TEKT3: variants seen among roughly 807,000 people sequenced by gnomAD.
TEKT3 encodes the protein tektin 3.
Under a neutral mutation model 49.8 loss-of-function variants are expected in TEKT3, and 49 were observed. That is an observed-to-expected ratio of 0.98 (90% CI 0.78 to 1.25). The LOEUF (loss-of-function observed/expected upper bound fraction) is 1.25. Ranked by LOEUF, TEKT3 falls within the 50% of genes most tolerant of loss-of-function variation. TEKT3 has a pLI of 0.00. For missense variants in TEKT3, 595 were observed against 629.5 expected, an observed-to-expected ratio of 0.95 and a Z score of 0.59; for synonymous variants, 225 against 237.2, an observed-to-expected ratio of 0.95 and a Z score of 0.47.
chr17:15,331,099 CATGA>C lies in TEKT3; in HGVS notation c.483_486del (p.Ile161MetfsTer6). On this transcript the variant is annotated frameshift_variant, in exon 3 of 9. Coordinates refer to ENST00000395930, the MANE Select transcript of TEKT3 (RefSeq NM_031898.3). LOFTEE classifies it high-confidence loss of function. Reference sequence around the variant, plus strand: ...GTCTCTCCAATCATTTCATCCAACTCATGAATGATTTCAGATTTCCAAAACCCTA... The same window carrying C: ...GTCTCTCCAATCATTTCATCCAACTCATGATTTCAGATTTCCAAAACCCTA... The C allele has an allele frequency of 6.2e-7, 1 of 1,614,204 alleles. No homozygotes were observed. Among genetic ancestry groups the C allele is most frequent in the Non-Finnish European group, 8.5e-7 (1 of 1,180,032 alleles).
chr17:15,308,894 C>G, intron 7 of TEKT3, 76 bp from the exon 8 acceptor site: 1 of 1,550,462 alleles, frequency 6.4e-7, no homozygotes, highest in South Asian at 1.2e-5. Flanking sequence ...TCTTGCCTGT[C>G]CACTCCATGT....
At chr17:15,307,419 T>C (rs1910597815) in intron 8 of TEKT3, among the ~76,000 whole-genome samples, 1 of 152,256 alleles carries the variant, frequency 6.6e-6, no homozygotes, top group African/African-American at 2.4e-5. Context: ...CCTGCCTCAG[T>C]TTCCTCACTT....
chr17:15,327,273 T>G (rs937308612), intron 4 of TEKT3, among the ~76,000 whole-genome samples: 1 of 152,026 alleles, frequency 6.6e-6, no homozygotes, highest in Non-Finnish European at 1.5e-5. Flanking sequence ...ATCCCAGCAC[T>G]TTGGGAGGCT....
Position 15,304,022 on chromosome 17 carries a change from C to T in TEKT3, c.1387G>A (p.Ala463Thr), listed in dbSNP as rs1386421889. The T allele has an allele frequency of 6.2e-7, 1 of 1,614,118 alleles. No individual in the cohort carries two copies. The highest frequency in any genetic ancestry group is 8.5e-7 in the Non-Finnish European group (1 of 1,180,030). Residue 463 changes from alanine (A) to threonine (T), a missense_variant, in exon 9 of 9, where the codon GCC becomes ACC. Coordinates refer to ENST00000395930, the MANE Select transcript of TEKT3 (RefSeq NM_031898.3). The surrounding 1 kb of genome is among the most constrained non-coding windows in gnomAD (Gnocchi z 4.7). ...TCCTGGTCGATGTACAGGGAATTGG[C>T]TTTGACAGCCAGGTCATACTCGAGT... is the stretch of plus-strand genomic sequence containing the variant. The part of the protein sequence containing the change: ...ATLEYDLAVK[A>T]NSLYIDQEKC...
chr17:15,312,239 AC>A lies in TEKT3; in HGVS notation c.1101+19del. 1 of 1,612,008 alleles carries A rather than the reference AC, an allele frequency of 6.2e-7. No individual in the cohort carries two copies. ...GCTCTGTCCAGGTCAGCTAAGGGGT[AC>A]CACTGGCGGTTGATTTACCTTTGCT... On this transcript the variant is annotated intron_variant, in intron 7 of 8. Coordinates refer to ENST00000395930, the MANE Select transcript of TEKT3 (RefSeq NM_031898.3).
At chr17:15,329,670 G>GT (rs1220894386) in intron 3 of TEKT3, among the ~76,000 whole-genome samples, 2 of 152,150 alleles carry the variant, frequency 1.3e-5, no homozygotes, top group East Asian at 3.9e-4. Flanking sequence ...GTGTGCCTCT[G>GT]TATGTGTTTT....
chr17:15,313,083 G>A (rs7220181), intron 6 of TEKT3, among the ~76,000 whole-genome samples: 1,682 of 152,204 alleles, frequency 0.011, 34 homozygotes, highest in African/African-American at 0.038. Flanking sequence ...ATACGTGTGA[G>A]GATATTCATT....
chr17:15,324,001 G>A (rs928851114), intron 4 of TEKT3, among the ~76,000 whole-genome samples: 2 of 152,076 alleles, frequency 1.3e-5, no homozygotes, highest in Non-Finnish European at 2.9e-5. Flanking sequence ...TAGTACATTC[G>A]CCGAGTTGTA....
intron 1 of TEKT3, chr17:15,340,651 G>A (rs1487787915): frequency 6.6e-6 from 1 of 152,212 alleles, no homozygotes. Flanking sequence ...AATAGGGATA[G>A]GTAAGGAGAG....
At chr17:15,310,880 T>C (rs1210119268) in intron 7 of TEKT3, 1 of 152,196 alleles carries the variant, frequency 6.6e-6, no homozygotes, top group East Asian at 1.9e-4. Context: ...TACTTTTCCA[T>C]GTTCCTCTCC....
chr17:15,327,516 C>CAAAAAAA (rs34068186), intron 4 of TEKT3, among the ~76,000 whole-genome samples: 2 of 128,206 alleles, frequency 1.6e-5, no homozygotes, highest in South Asian at 5.2e-4. Flanking sequence ...GACTCTGTCT[C>CAAAAAAA]AAAAAAAAAA....
In TEKT3 at chr17:15,331,025, C is replaced by T; in HGVS notation, c.561G>A (p.Glu187=). 1 of 1,611,562 alleles carries T rather than the reference C, an allele frequency of 6.2e-7. No homozygotes were observed. Among genetic ancestry groups the T allele is most frequent in the Non-Finnish European group, 8.5e-7 (1 of 1,178,666 alleles). ...VKKRLERALM[E]TEAPLQVARE... is the part of the protein sequence containing the mutation. ...GTCTTACCTGAAGAGGGGCTTCAGT[C>T]TCCATCAAAGCCCGCTCCAGTCTTT... Residue 187 remains glutamate (E), a synonymous_variant, in exon 3 of 9, where the codon GAG becomes GAA. Transcript: ENST00000395930.
chr17:15,332,137 G>C lies in TEKT3; in HGVS notation c.-29-523C>G, dbSNP rs56378839. Among the ~76,000 whole-genome samples the C allele has an allele frequency of 4.5e-3, 689 of 152,184 alleles. 8 individuals are homozygous for C. The highest frequency in any genetic ancestry group is 0.016 in the African/African-American group (668 of 41,524). On this transcript the variant is annotated intron_variant, in intron 2 of 8. Coordinates refer to ENST00000395930, the MANE Select transcript of TEKT3 (RefSeq NM_031898.3). ...GGGTGGGGGGCAGATAGATTGCAAT[G>C]AGCTGAGATCGCACCACTGCACTCC...
chr17:15,343,061 G>A (rs1486326699), upstream of TEKT3, among the ~76,000 whole-genome samples: 1 of 152,068 alleles, frequency 6.6e-6, no homozygotes, highest in African/African-American at 2.4e-5. Context: ...TTGTTCTTTG[G>A]GCCAAAAGAC....
chr17:15,307,467 T>A (rs1274831830), intron 8 of TEKT3, among the ~76,000 whole-genome samples: 6 of 152,374 alleles, frequency 3.9e-5, no homozygotes, highest in Admixed American at 3.9e-4. Flanking sequence ...TATAAAGTGC[T>A]TAGGGCAGTG....
chr17:15,338,248 T>G (rs1912069387), intron 2 of TEKT3, among the ~76,000 whole-genome samples: 1 of 152,150 alleles, frequency 6.6e-6, no homozygotes, highest in African/African-American at 2.4e-5. Flanking sequence ...TGGACAAAAT[T>G]TTTGAAAGAT....
Position 15,304,093 on chromosome 17 carries a change from C to A in TEKT3, c.1316G>T (p.Arg439Met). ...CGACTGCAGGGTGTCCTCTGCATCC[C>A]TCAGGCGCTGCTGCAGGGTCTGGAT... ...DTIQTLQQRL[R>M]DAEDTLQSLV... is the part of the protein sequence containing the mutation. Residue 439 changes from arginine to methionine, a missense_variant, in exon 9 of 9, where the codon AGG becomes ATG. Coordinates refer to ENST00000395930, the MANE Select transcript of TEKT3 (RefSeq NM_031898.3). This position sits in a 1 kb window ranked among gnomAD's most constrained non-coding sequence, Gnocchi z 4.7. 3 of 1,614,158 alleles carry A rather than the reference C, an allele frequency of 1.9e-6. No homozygotes were observed. Among genetic ancestry groups the A allele is most frequent in the Non-Finnish European group, 2.5e-6 (3 of 1,180,028 alleles).
chr17:15,333,002 T>A (rs755443118), intron 2 of TEKT3, among the ~76,000 whole-genome samples: 4 of 152,040 alleles, frequency 2.6e-5, no homozygotes, highest in Non-Finnish European at 1.5e-5. Flanking sequence ...TCCTAATCAT[T>A]TGATATATCA....
chr17:15,330,432 G>C (rs1212036395), intron 3 of TEKT3, among the ~76,000 whole-genome samples: 2 of 152,032 alleles, frequency 1.3e-5, no homozygotes, highest in African/African-American at 4.8e-5. Flanking sequence ...CCGTCCCTTC[G>C]GCGCTGTTCT....
Sources: gnomAD v4.1 joint callset for allele counts (sites outside exome capture counted in the v4.1 genomes callset) on GRCh38, gnomAD v4.1.1 for gene constraint, Gnocchi (gnomAD v3.1) non-coding constraint, MANE v1.5 for transcripts, NCBI Gene and HGNC (gene_info 2026-07-23, HGNC 2026-07-21) for gene names.